RPS6KA6: variants seen among roughly 807,000 people sequenced by gnomAD.
RPS6KA6 encodes ribosomal protein S6 kinase alpha-6.
In RPS6KA6, 27 loss-of-function variants were observed where a neutral mutation model predicts 65.4. That is an observed-to-expected ratio of 0.41 (90% CI 0.30 to 0.57). RPS6KA6 has a LOEUF of 0.57. RPS6KA6 is among the 20% of genes least tolerant of loss of function. The pLI is 0.24. For missense variants in RPS6KA6, 486 were observed against 555.6 expected, an observed-to-expected ratio of 0.87 and a Z score of 1.26; for synonymous variants, 190 against 184.2, an observed-to-expected ratio of 1.03 and a Z score of -0.26.
chrX:84,187,349 G>A (rs2035939967), intron 1 of RPS6KA6: 1 of 114,706 alleles, frequency 8.7e-6, no homozygotes, highest in Non-Finnish European at 1.8e-5. Flanking sequence ...AATGTCCCCA[G>A]AGTTACTTAG....
chrX:84,105,790 C>T lies in RPS6KA6; in HGVS notation c.1452G>A (p.Lys484=). Residue 484 remains lysine, a synonymous_variant, in exon 16 of 22, where the codon AAG becomes AAA. Transcript: ENST00000262752. The part of the protein sequence containing the change: ...YGQHPNIITL[K]DVFDDGRYVY... Reference sequence around the variant, plus strand: ...ACCTAGATTTAGAAATACCTACATCCTTCAAAGTAATAATGTTGGGATGTT... The same window carrying T: ...ACCTAGATTTAGAAATACCTACATCTTTCAAAGTAATAATGTTGGGATGTT... 9.1e-7 allele frequency: 1 copy of T among 1,102,869 alleles called. No homozygotes were observed. Among genetic ancestry groups the T allele is most frequent in the South Asian group, 2.0e-5 (1 of 49,614 alleles). The allele number at this position is 1,102,869 out of a possible 1,213,427, so 90.9% of individuals were successfully genotyped here.
chrX:84,079,623 A>G (rs1373021398), intron 20 of RPS6KA6, among the ~76,000 whole-genome samples: 5 of 111,133 alleles, frequency 4.5e-5, no homozygotes, highest in African/African-American at 1.6e-4. Context: ...AAACTTGGAC[A>G]CTTGAGCTTG....
chrX:84,077,581 T>C (rs2033688727), intron 20 of RPS6KA6, among the ~76,000 whole-genome samples: 1 of 111,917 alleles, frequency 8.9e-6, no homozygotes, highest in African/African-American at 3.2e-5. Flanking sequence ...GACCATATGT[T>C]GTACCATATA....
rs1319488259 is a variant in RPS6KA6 at position 84,060,697 on chromosome X, G to A, written c.*3580C>T. On this transcript the variant is annotated 3_prime_UTR_variant, in exon 22 of 22. Transcript: ENST00000262752. ...GTAGAAAGGAAGTAGGAAGGAAATT[G>A]TGCAAAAAAAGAAACAGTTTATTAG... is the stretch of plus-strand genomic sequence containing the variant. 3 of 110,884 alleles carry A rather than the reference G, an allele frequency of 2.7e-5. No individual in the cohort carries two copies. The East Asian group carries it at 8.5e-4, about 31-fold the overall frequency. 9.1% of individuals were successfully genotyped at this position (110,884 alleles called of 1,213,427 possible). A position where few individuals can be genotyped will look rare whatever the true frequency, so the allele number is the denominator to read the frequency against.
intron 20 of RPS6KA6, among the ~76,000 whole-genome samples, chrX:84,074,998 G>T (rs1037797457): frequency 1.8e-5 from 2 of 111,838 alleles, no homozygotes; most frequent in African/African-American, 6.5e-5. Context: ...ACTTTGGGAG[G>T]CCAAGGCGGG....
At chrX:84,099,777 G>C (rs1387358035) in intron 18 of RPS6KA6, among the ~76,000 whole-genome samples, 2 of 110,933 alleles carry the variant, frequency 1.8e-5, no homozygotes, top group African/African-American at 6.5e-5. Flanking sequence ...AGGTATAGTA[G>C]AAAAGCACAT....
chrX:84,151,494 C>T (rs755399469), intron 3 of RPS6KA6, among the ~76,000 whole-genome samples: 9 of 110,525 alleles, frequency 8.1e-5, no homozygotes, highest in African/African-American at 2.6e-4. Flanking sequence ...AACAGGCTCA[C>T]TCCATTCATT....
intron 20 of RPS6KA6, among the ~76,000 whole-genome samples, chrX:84,089,637 C>A (rs915872949): frequency 1.8e-5 from 2 of 110,480 alleles, no homozygotes; most frequent in African/African-American, 6.6e-5. Context: ...TTGCAAAGAT[C>A]CATGGGAGAA....
intron 18 of RPS6KA6, among the ~76,000 whole-genome samples, chrX:84,098,968 T>C (rs1019463475): frequency 9.9e-5 from 11 of 111,368 alleles, no homozygotes; most frequent in Admixed American, 2.9e-4. Context: ...TAGTAAAACA[T>C]AGACTTCTAG....
chrX:84,183,443 C>T (rs2035886411), intron 1 of RPS6KA6, among the ~76,000 whole-genome samples: 1 of 111,298 alleles, frequency 9.0e-6, no homozygotes, highest in African/African-American at 3.3e-5. Context: ...TCCTCACTAC[C>T]GTCAATTATT....
intron 20 of RPS6KA6, among the ~76,000 whole-genome samples, chrX:84,094,737 T>A (rs1165557260): frequency 8.9e-6 from 1 of 111,783 alleles, no homozygotes; most frequent in African/African-American, 3.2e-5. Context: ...CTTGGAAATG[T>A]TAACGGAGAT....
chrX:84,108,883 G>A (rs887603890), intron 12 of RPS6KA6, among the ~76,000 whole-genome samples: 1 of 111,944 alleles, frequency 8.9e-6, no homozygotes, highest in Admixed American at 9.4e-5. Flanking sequence ...AAAGACTGCC[G>A]GTCTCAGCTG....
intron 12 of RPS6KA6, among the ~76,000 whole-genome samples, chrX:84,111,106 AGC>A (rs2034461900): frequency 9.2e-6 from 1 of 108,956 alleles, no homozygotes; most frequent in Non-Finnish European, 1.9e-5. Context: ...AATAATTTTG[AGC>A]ATGAGGGCTG....
chrX:84,121,310 T>C (rs2034667362), intron 8 of RPS6KA6, among the ~76,000 whole-genome samples: 3 of 112,124 alleles, frequency 2.7e-5, no homozygotes, highest in Non-Finnish European at 3.8e-5. Context: ...ATAATCTAAC[T>C]TCCACTACAT....
chrX:84,162,829 G>A (rs944746878), intron 2 of RPS6KA6, among the ~76,000 whole-genome samples: 57 of 111,888 alleles, frequency 5.1e-4, no homozygotes, highest in African/African-American at 1.8e-3. Context: ...CATATGAACT[G>A]TAGACAAATC....
At chrX:84,131,155 C>A (rs1602439799) in intron 8 of RPS6KA6, among the ~76,000 whole-genome samples, 1 of 111,176 alleles carries the variant, frequency 9.0e-6, no homozygotes, top group East Asian at 2.8e-4. Context: ...ACGGGATAGT[C>A]CCAACACCAA....
At chrX:84,133,401 T>TA (rs1034173058) in intron 8 of RPS6KA6, among the ~76,000 whole-genome samples, 3 of 111,635 alleles carry the variant, frequency 2.7e-5, no homozygotes, top group African/African-American at 6.5e-5. Context: ...ATTGAATTGT[T>TA]AAAAAAAATT....
intron 1 of RPS6KA6, among the ~76,000 whole-genome samples, chrX:84,176,464 T>C (rs1366941787): frequency 8.9e-6 from 1 of 112,161 alleles, no homozygotes; most frequent in Non-Finnish European, 1.9e-5. Flanking sequence ...ATACTACCTT[T>C]GGGGTATGAA....
intron 3 of RPS6KA6, among the ~76,000 whole-genome samples, chrX:84,152,164 G>A (rs543916361): frequency 7.2e-5 from 8 of 110,770 alleles, no homozygotes; most frequent in African/African-American, 2.3e-4. Flanking sequence ...TCCATCATTC[G>A]CAGTCTAGAG....
Sources: allele counts gnomAD v4.1 joint callset (sites outside exome capture counted in the v4.1 genomes callset), GRCh38; gene constraint gnomAD v4.1.1; transcripts MANE v1.5; gene names NCBI Gene and HGNC (gene_info 2026-07-23, HGNC 2026-07-21).